Variants in LRP2 observed in about 807,000 individuals in gnomAD.
LRP2 encodes the protein LDL receptor related protein 2.
In LRP2, 172 loss-of-function variants were observed where a neutral mutation model predicts 531.0. That is an observed-to-expected ratio of 0.32 (90% CI 0.29 to 0.37). LRP2 has a LOEUF of 0.37. LRP2 is among the 10% of genes least tolerant of loss of function. The pLI, the probability that LRP2 is intolerant of heterozygous loss-of-function variation, is 1.00. For missense variants in LRP2, 5,167 were observed against 5,868.3 expected, an observed-to-expected ratio of 0.88 and a Z score of 3.90; for synonymous variants, 1,992 against 2,027.6, an observed-to-expected ratio of 0.98 and a Z score of 0.47.
chr2:169,210,877 A>T (rs573400069), intron 37 of LRP2, among the ~76,000 whole-genome samples: 1 of 152,330 alleles, frequency 6.6e-6, no homozygotes, highest in South Asian at 2.1e-4. Context: ...ATGAATGTGA[A>T]TGCATATGCA....
intron 51 of LRP2, 90 bp from the exon 52 acceptor site, chr2:169,181,708 G>T: frequency 1.9e-6 from 2 of 1,052,802 alleles, no homozygotes; most frequent in Non-Finnish European, 2.9e-6. Context: ...GAGAAATGGA[G>T]TCTGCATTCT....
chr2:169,160,548 T>C (rs1053640183), intron 63 of LRP2, among the ~76,000 whole-genome samples: 2 of 151,956 alleles, frequency 1.3e-5, no homozygotes, highest in African/African-American at 4.8e-5. Context: ...CAAGAACTAG[T>C]ATATTAAAAA....
intron 9 of LRP2, 38 bp from the exon 10 acceptor site, chr2:169,283,039 T>A: frequency 6.2e-7 from 1 of 1,611,132 alleles, no homozygotes; most frequent in Non-Finnish European, 8.5e-7. Context: ...GTCAAGGTTA[T>A]CAGCATTTAT....
At chr2:169,303,945 T>G (rs931169727) in intron 4 of LRP2, among the ~76,000 whole-genome samples, 1 of 152,204 alleles carries the variant, frequency 6.6e-6, no homozygotes, top group Admixed American at 6.5e-5. Flanking sequence ...TAAAAATTCC[T>G]GCCCAGATAT....
intron 52 of LRP2, among the ~76,000 whole-genome samples, chr2:169,178,350 T>G (rs13421129): frequency 1.3e-5 from 2 of 152,200 alleles, no homozygotes; most frequent in African/African-American, 4.8e-5. Flanking sequence ...TGGCCTCTTA[T>G]AGTGATGTTC....
intron 1 of LRP2, among the ~76,000 whole-genome samples, chr2:169,349,290 G>A (rs1420467229): frequency 6.6e-6 from 1 of 152,148 alleles, no homozygotes; most frequent in East Asian, 1.9e-4. Context: ...GCAAAGACCT[G>A]TAGGAGGAAA....
intron 27 of LRP2, 43 bp downstream of exon 27, chr2:169,238,048 C>G (rs765330910): frequency 1.3e-6 from 2 of 1,551,562 alleles, no homozygotes; most frequent in South Asian, 2.2e-5. Context: ...AGACCCAAGA[C>G]AGAGGAACTA....
At chr2:169,290,811 T>C (rs111562844) in intron 8 of LRP2, 34 bp downstream of exon 8, 3 of 1,609,022 alleles carry the variant, frequency 1.9e-6, no homozygotes, top group Non-Finnish European at 2.6e-6. Context: ...AATATCTTTA[T>C]CTGAAAGCTA....
At chr2:169,304,228 G>A (rs1684356114) in intron 4 of LRP2, among the ~76,000 whole-genome samples, 1 of 152,120 alleles carries the variant, frequency 6.6e-6, no homozygotes, top group Non-Finnish European at 1.5e-5. Context: ...TTGGCTGGTG[G>A]TACAGGCCTC....
chr2:169,204,148 T>C lies in LRP2; in HGVS notation c.7839A>G (p.Gln2613=), dbSNP rs542055006. The C allele has an allele frequency of 1.2e-6, 2 of 1,614,184 alleles. No individual in the cohort carries two copies. The highest frequency in any genetic ancestry group is 2.2e-5 in the East Asian group (1 of 44,890). ...CATATTTGTTAGCTCGGTAAATTCT[T>C]TGTGTGTACAAGTCAGTCCAGTAAA... is the stretch of plus-strand genomic sequence containing the variant. The part of the protein sequence containing the change: ...QYIYWTDLYT[Q]RIYRANKYDG... Residue 2613 remains glutamine, a synonymous_variant, in exon 42 of 79, where the codon CAA becomes CAG. Coordinates refer to ENST00000649046, the MANE Select transcript of LRP2 (RefSeq NM_004525.3).
At chr2:169,315,795 A>C (rs111651562) in intron 3 of LRP2, among the ~76,000 whole-genome samples, 1 of 151,996 alleles carries the variant, frequency 6.6e-6, no homozygotes, top group Admixed American at 6.6e-5. Context: ...ACTACTGCTG[A>C]CACCCAAATG....
chr2:169,220,405 A>G, intron 34 of LRP2, 49 bp downstream of exon 34: 2 of 1,360,832 alleles, frequency 1.5e-6, no homozygotes, highest in Non-Finnish European at 2.1e-6. Flanking sequence ...CCCTGACATT[A>G]ACAAGAACAA....
At chr2:169,131,805 C>A (rs1314633036) in intron 77 of LRP2, among the ~76,000 whole-genome samples, 1 of 152,206 alleles carries the variant, frequency 6.6e-6, no homozygotes, top group Non-Finnish European at 1.5e-5. Flanking sequence ...AGGACTCTAG[C>A]CCCAGAAGTA....
intron 33 of LRP2, among the ~76,000 whole-genome samples, chr2:169,224,157 C>A (rs773959768): frequency 1.3e-5 from 2 of 152,184 alleles, no homozygotes; most frequent in Admixed American, 6.5e-5. Flanking sequence ...GGCTGCTGTG[C>A]GCCTTGCTCA....
intron 1 of LRP2, among the ~76,000 whole-genome samples, chr2:169,357,469 T>C (rs1239902842): frequency 1.3e-5 from 2 of 151,918 alleles, no homozygotes; most frequent in African/African-American, 2.4e-5. Flanking sequence ...GTAGCTGGGA[T>C]TACAGGTGTG....
chr2:169,360,425 A>G (rs1261932420), intron 1 of LRP2, among the ~76,000 whole-genome samples: 1 of 140,650 alleles, frequency 7.1e-6, no homozygotes, highest in Non-Finnish European at 1.6e-5. Flanking sequence ...TATACACATT[A>G]TTATTATATA....
Position 169,137,537 on chromosome 2 carries a change from CAGAG to C in LRP2, c.13519-48_13519-45del, listed in dbSNP as rs770018096. 3.4e-6 allele frequency: 4 copies of C among 1,162,134 alleles called. No individual in the cohort carries two copies. The Admixed American group carries it at 6.9e-5, about 20-fold the overall frequency. The allele number at this position is 1,162,134 out of a possible 1,614,324, so 72.0% of individuals were successfully genotyped here. The stretch of plus-strand genomic sequence containing the variant: ...AGAGAGAGAGAGAGAGAGAGAGAAA[CAGAG>C]AGAGAGATTACACCATACTAATCTG... On this transcript the variant is annotated intron_variant, in intron 75 of 78. Transcript: ENST00000649046.
chr2:169,195,449 G>GA (rs1209894673), intron 46 of LRP2, among the ~76,000 whole-genome samples: 1 of 151,938 alleles, frequency 6.6e-6, no homozygotes, highest in Non-Finnish European at 1.5e-5. Context: ...GGAGAAGGAT[G>GA]AAAAAATGTA....
chr2:169,204,049 G>C lies in LRP2; in HGVS notation c.7938C>G (p.Asn2646Lys), dbSNP rs1400396265. 6.2e-6 allele frequency: 10 copies of C among 1,614,034 alleles called. No homozygotes were observed. The highest frequency in any genetic ancestry group is 1.3e-5 in the African/African-American group (1 of 74,928). ...QPRGINTVVKNQKQQCNNPCE... is the reference protein window; with the variant it reads ...QPRGINTVVKKQKQQCNNPCE... The stretch of plus-strand genomic sequence containing the variant: ...AAGGATTGTTACACTGTTGTTTCTG[G>C]TTCTTCACAACAGTGTTGATTCCCC... The change falls in exon 42 of 79, where the codon AAC (asparagine) becomes AAG (lysine). Residue 2646 changes from asparagine (N) to lysine (K), a missense_variant. Asn to Lys is a moderately conservative substitution (Grantham distance 94). Transcript: ENST00000649046.
Sources: gnomAD v4.1 joint callset for allele counts (sites outside exome capture counted in the v4.1 genomes callset) on GRCh38, gnomAD v4.1.1 for gene constraint, MANE v1.5 for transcripts, NCBI Gene and HGNC (gene_info 2026-07-23, HGNC 2026-07-21) for gene names.